Variants in WNT9A observed in about 807,000 individuals in gnomAD.
WNT9A encodes the protein Wnt family member 9A.
A neutral mutation model predicts 31.4 loss-of-function variants in WNT9A; 8 were observed. The observed-to-expected ratio is 0.26, with a 90% CI of 0.15 to 0.46. The LOEUF (loss-of-function observed/expected upper bound fraction) is 0.46. WNT9A is among the 20% of genes least tolerant of loss of function. WNT9A has a pLI of 0.99. For missense variants in WNT9A, 457 were observed against 522.9 expected, an observed-to-expected ratio of 0.87 and a Z score of 1.23; for synonymous variants, 236 against 220.1, an observed-to-expected ratio of 1.07 and a Z score of -0.64.
intron 1 of WNT9A, among the ~76,000 whole-genome samples, chr1:227,945,679 C>T (rs1167102121): frequency 1.3e-5 from 2 of 152,082 alleles, no homozygotes; most frequent in African/African-American, 4.8e-5. Context: ...GAAGGGCCAC[C>T]CCAGCCCCCC....
rs987967682 is a variant in WNT9A, at chr1:227,942,772, C to A, written c.95+5021G>T. 1.1e-4 allele frequency among the ~76,000 whole-genome samples: 17 copies of A among 152,186 alleles called. No homozygotes were observed. The highest frequency in any genetic ancestry group is 4.1e-4 in the African/African-American group (17 of 41,446). ...TGTTGGAGGGGGTGGGTCTCCAGGA[C>A]AGTGCCTGCCCAAACCTAAGCCTGA... is the stretch of plus-strand genomic sequence containing the variant. On this transcript the variant is annotated intron_variant, in intron 1 of 3. Transcript: ENST00000272164. The surrounding 1 kb of genome is among the most constrained non-coding windows in gnomAD (Gnocchi z 5.7).
chr1:227,919,883 A>T lies in WNT9A; in HGVS notation c.*1635T>A, dbSNP rs1666280206. ...ACACACACACTACACCCTCAAACCA[A>T]GCCAGGTCAGTGCAGGTCACCCTGT... is the stretch of plus-strand genomic sequence containing the variant. On this transcript the variant is annotated 3_prime_UTR_variant, in exon 4 of 4. Coordinates refer to ENST00000272164, the MANE Select transcript of WNT9A (RefSeq NM_003395.4). 2 of 152,636 alleles carry T rather than the reference A, an allele frequency of 1.3e-5. No individual in the cohort carries two copies. The highest frequency in any genetic ancestry group is 1.3e-4 in the Admixed American group (2 of 15,288). The allele number at this position is 152,636 out of a possible 1,614,324, so 9.5% of individuals were successfully genotyped here.
Position 227,920,533 on chromosome 1 carries a change from TC to T in WNT9A, c.*984del. On this transcript the variant is annotated 3_prime_UTR_variant, in exon 4 of 4. Coordinates refer to ENST00000272164, the MANE Select transcript of WNT9A (RefSeq NM_003395.4). ...TGCTCAACGTCAGAGGTCGGCAGTG[TC>T]CCCCCGAGCCTGGGCACCCGCACGG... 6.6e-6 allele frequency: 1 copy of T among 152,152 alleles called. No homozygotes were observed. The highest frequency in any genetic ancestry group is 1.5e-5 in the Non-Finnish European group (1 of 68,000). The allele number at this position is 152,152 out of a possible 1,614,324, so 9.4% of individuals were successfully genotyped here.
intron 1 of WNT9A, among the ~76,000 whole-genome samples, chr1:227,933,763 G>C (rs1666547061): frequency 6.6e-6 from 1 of 152,124 alleles, no homozygotes; most frequent in South Asian, 2.1e-4. Context: ...AGCAGGGTCA[G>C]GCTGCAGCTC....
At chr1:227,932,503 ACCT>A (rs1361099575) in intron 1 of WNT9A, among the ~76,000 whole-genome samples, 1 of 151,640 alleles carries the variant, frequency 6.6e-6, no homozygotes, top group Admixed American at 6.6e-5. Context: ...TGCTGTTTTG[ACCT>A]CCTCCCACGA....
rs1312062988 is a variant in WNT9A at position 227,921,388 on chromosome 1, T to A, written c.*130A>T. On this transcript the variant is annotated 3_prime_UTR_variant, in exon 4 of 4. Transcript: ENST00000272164. ...CATGCAGGTGTAGACCCATTCACAC[T>A]GTGTGCAATGCCTGTACCCCACGCA... 16 of 1,416,306 alleles carry A rather than the reference T, an allele frequency of 1.1e-5. No homozygotes were observed. Among genetic ancestry groups the A allele is most frequent in the Non-Finnish European group, 1.5e-5 (16 of 1,052,086 alleles). 87.7% of individuals were successfully genotyped at this position (1,416,306 alleles called of 1,614,324 possible).
At chr1:227,936,193 TTTC>T in intron 1 of WNT9A, among the ~76,000 whole-genome samples, 1 of 147,992 alleles carries the variant, frequency 6.8e-6, no homozygotes, top group Middle Eastern at 3.5e-3. Flanking sequence ...TCTTTTTCTT[TTTC>T]TTTTTTTTTT....
intron 1 of WNT9A, among the ~76,000 whole-genome samples, chr1:227,933,904 T>C (rs1002405077): frequency 6.6e-6 from 1 of 152,238 alleles, no homozygotes; most frequent in Admixed American, 6.5e-5. Flanking sequence ...TCTGTCTTGA[T>C]GGATTTGCCT....
intron 1 of WNT9A, among the ~76,000 whole-genome samples, chr1:227,935,173 CTG>C (rs1409398024): frequency 6.6e-6 from 1 of 151,562 alleles, no homozygotes; most frequent in Non-Finnish European, 1.5e-5. Context: ...ATAGCAGAAA[CTG>C]TGACCCCAGC....
At chr1:227,930,095 C>T (rs1228056516) in intron 1 of WNT9A, among the ~76,000 whole-genome samples, 1 of 152,230 alleles carries the variant, frequency 6.6e-6, no homozygotes, top group East Asian at 1.9e-4. Flanking sequence ...GTGCATTGTA[C>T]CTTCCCAGTA....
chr1:227,941,405 G>T (rs1022052612), intron 1 of WNT9A, among the ~76,000 whole-genome samples: 1 of 151,892 alleles, frequency 6.6e-6, no homozygotes, highest in Non-Finnish European at 1.5e-5. Context: ...AGGGAGAATA[G>T]AATGCATCTG....
At chr1:227,945,605 G>C (rs1217862163) in intron 1 of WNT9A, among the ~76,000 whole-genome samples, 1 of 152,186 alleles carries the variant, frequency 6.6e-6, no homozygotes, top group African/African-American at 2.4e-5. Flanking sequence ...GCTTTTGAGA[G>C]GGGGAAGGGA....
chr1:227,931,880 C>CTTTTT (rs33949354), intron 1 of WNT9A, among the ~76,000 whole-genome samples: 2 of 142,614 alleles, frequency 1.4e-5, no homozygotes, highest in East Asian at 2.1e-4. Context: ...GTGGAAATGT[C>CTTTTT]TTTTTTTTTT....
intron 1 of WNT9A, among the ~76,000 whole-genome samples, chr1:227,943,879 T>C (rs752076749): frequency 1.1e-4 from 17 of 152,122 alleles, no homozygotes; most frequent in Non-Finnish European, 1.9e-4. Flanking sequence ...CTACTTGGGA[T>C]GCTGAGGTGG....
At position 227,928,919 on chromosome 1, in the gene WNT9A, A is replaced by C. The variant is rs943363785; in HGVS notation, c.96-3400T>G. Among the ~76,000 whole-genome samples the C allele has an allele frequency of 1.3e-5, 2 of 152,250 alleles. No homozygotes were observed. Among genetic ancestry groups the C allele is most frequent in the African/African-American group, 4.8e-5 (2 of 41,458 alleles). ...GCACAGCAAAGAACAAAAAAGAGGCAGCGCAGAGTCCAGAGACCAACAGAC... is the reference window on the plus strand; with the variant it reads ...GCACAGCAAAGAACAAAAAAGAGGCCGCGCAGAGTCCAGAGACCAACAGAC... On this transcript the variant is annotated intron_variant, in intron 1 of 3. Coordinates refer to ENST00000272164, the MANE Select transcript of WNT9A (RefSeq NM_003395.4). This position sits in a 1 kb window ranked among gnomAD's most constrained non-coding sequence, Gnocchi z 4.5.
At chr1:227,934,709 G>A (rs1666561539) in intron 1 of WNT9A, among the ~76,000 whole-genome samples, 1 of 152,118 alleles carries the variant, frequency 6.6e-6, no homozygotes, top group South Asian at 2.1e-4. Flanking sequence ...AGCTATCACT[G>A]TCATCATTTC....
At chr1:227,929,499 G>T (rs1666473111) in intron 1 of WNT9A, among the ~76,000 whole-genome samples, 1 of 152,222 alleles carries the variant, frequency 6.6e-6, no homozygotes, top group African/African-American at 2.4e-5. Context: ...AGGAGGTGGG[G>T]CCTCTGGAAA....
intron 1 of WNT9A, among the ~76,000 whole-genome samples, chr1:227,934,723 T>A (rs573692590): frequency 4.6e-5 from 7 of 152,304 alleles, no homozygotes; most frequent in African/African-American, 1.7e-4. Context: ...TCATTTCAGT[T>A]GCTCCTAAAC....
chr1:227,941,943 C>T (rs1210398945), intron 1 of WNT9A, among the ~76,000 whole-genome samples: 1 of 152,134 alleles, frequency 6.6e-6, no homozygotes, highest in Non-Finnish European at 1.5e-5. Flanking sequence ...CCCCCACCCT[C>T]CCACAGGCAT....
Sources: gnomAD v4.1 joint callset for allele counts (sites outside exome capture counted in the v4.1 genomes callset) on GRCh38, gnomAD v4.1.1 for gene constraint, Gnocchi (gnomAD v3.1) non-coding constraint, MANE v1.5 for transcripts, NCBI Gene and HGNC (gene_info 2026-07-23, HGNC 2026-07-21) for gene names.